Variants in ADARB2 observed in about 807,000 individuals in gnomAD.
ADARB2 encodes the protein inactive double-stranded RNA-specific editase B2.
Under a neutral mutation model 62.2 loss-of-function variants are expected in ADARB2, and 25 were observed. That is an observed-to-expected ratio of 0.40 (90% CI 0.29 to 0.56). The LOEUF (loss-of-function observed/expected upper bound fraction) is 0.56, where lower values mean the gene tolerates loss of function less well. Among genes scored for constraint, ADARB2 ranks in the 20% least tolerant of loss-of-function variants. The pLI is 0.43. For synonymous variants in ADARB2, 572 were observed against 500.8 expected (o/e 1.14, Z -1.90); for missense variants, 1,071 against 1,077.4 (o/e 0.99, Z 0.08).
chr10:1,222,772 T>C (rs2131760088), intron 6 of ADARB2, among the ~76,000 whole-genome samples: 1 of 149,776 alleles, frequency 6.7e-6, no homozygotes, highest in South Asian at 2.1e-4. Context: ...TCCATTGGTC[T>C]ATATCTCTGT....
At chr10:1,395,906 A>G (rs1202778584) in intron 1 of ADARB2, among the ~76,000 whole-genome samples, 1 of 152,000 alleles carries the variant, frequency 6.6e-6, no homozygotes, top group East Asian at 1.9e-4. Context: ...TTTATTTTCT[A>G]CTGAGCTTCT....
At chr10:1,373,328 C>CA (rs1564272666) in intron 2 of ADARB2, among the ~76,000 whole-genome samples, 34 of 151,470 alleles carry the variant, frequency 2.2e-4, no homozygotes, top group South Asian at 1.7e-3. Context: ...ACACACACAC[C>CA]CACCCACACA....
At chr10:1,195,505 A>G (rs1277535205) in intron 8 of ADARB2, among the ~76,000 whole-genome samples, 1 of 148,404 alleles carries the variant, frequency 6.7e-6, no homozygotes, top group African/African-American at 2.5e-5. Context: ...TGGGTGGGAG[A>G]GCACATCTAG....
Position 1,665,912 on chromosome 10 carries a change from C to A in ADARB2, c.100+71139G>T, listed in dbSNP as rs117915320. Among the ~76,000 whole-genome samples, 1,122 of 152,214 alleles carry A rather than the reference C, an allele frequency of 7.4e-3. 24 individuals are homozygous for A. Among genetic ancestry groups the A allele is most frequent in the Non-Finnish European group, 8.4e-3 (570 of 68,004 alleles). On this transcript the variant is annotated intron_variant, in intron 1 of 9. Transcript: ENST00000381312. ...AGTAAATGAGGGTGCGGCACGGGGGCGTCAGAGGACGGACAAGGATAGCAC... is the reference window on the plus strand; with the variant it reads ...AGTAAATGAGGGTGCGGCACGGGGGAGTCAGAGGACGGACAAGGATAGCAC...
At chr10:1,193,172 T>C (rs947211622) in intron 8 of ADARB2, among the ~76,000 whole-genome samples, 1 of 152,216 alleles carries the variant, frequency 6.6e-6, no homozygotes, top group African/African-American at 2.4e-5. Context: ...TGTCCGGGGA[T>C]GCCAAGGCCT....
chr10:1,200,051 G>T lies in ADARB2; in HGVS notation c.1779C>A (p.Gly593=). The part of the protein sequence containing the change: ...SIVVGSLHHT[G]HLARVMSHRM... Reference sequence around the variant, plus strand: ...GGTGGCTCATGACGCGTGCGAGGTGGCCCGTGTGGTGCAGGCTGCCCACCA... The same window carrying T: ...GGTGGCTCATGACGCGTGCGAGGTGTCCCGTGTGGTGCAGGCTGCCCACCA... The change falls in exon 8 of 10, where the codon GGC becomes GGA. Residue 593 remains glycine (G), a synonymous_variant. Transcript: ENST00000381312. The T allele has an allele frequency of 4.4e-6, 7 of 1,594,624 alleles. No individual in the cohort carries two copies. The highest frequency in any genetic ancestry group is 1.7e-4 in the Middle Eastern group (1 of 5,808).
chr10:1,263,961 G>A (rs566457376), intron 4 of ADARB2, among the ~76,000 whole-genome samples: 4 of 152,256 alleles, frequency 2.6e-5, no homozygotes, highest in South Asian at 4.2e-4. Flanking sequence ...GGTCAGCACC[G>A]GTTTAGTGAA....
At chr10:1,425,007 C>T (rs2805545) in intron 1 of ADARB2, among the ~76,000 whole-genome samples, 64,436 of 152,076 alleles carry the variant, frequency 0.42, 15,687 homozygotes, top group East Asian at 0.68. Context: ...AGCTAATCAC[C>T]GTAACAGAAG....
chr10:1,404,590 C>A (rs1250025417), intron 1 of ADARB2, among the ~76,000 whole-genome samples: 1 of 152,200 alleles, frequency 6.6e-6, no homozygotes, highest in Non-Finnish European at 1.5e-5. Flanking sequence ...AGAAAAGTGA[C>A]CACTTGTGTC....
At chr10:1,635,532 A>C (rs1171491992) in intron 1 of ADARB2, among the ~76,000 whole-genome samples, 1 of 152,074 alleles carries the variant, frequency 6.6e-6, no homozygotes, top group Non-Finnish European at 1.5e-5. Flanking sequence ...GTTGCGTTGA[A>C]ATCTCCGGAT....
chr10:1,217,116 T>C lies in ADARB2; in HGVS notation c.1517A>G (p.His506Arg), dbSNP rs1164386626. The C allele has an allele frequency of 6.3e-7, 1 of 1,591,950 alleles. No individual in the cohort carries two copies. Among genetic ancestry groups the C allele is most frequent in the Non-Finnish European group, 8.5e-7 (1 of 1,169,622 alleles). ...HSPYEITTDL[H>R]SSKHLVRKFR... ...CTTCCTGACGAGGTGTTTGCTGCTG[T>C]GCACTAGGAGATAAAAGGGCGGGGA... Residue 506 changes from histidine (H) to arginine (R), a missense_variant, in exon 7 of 10, where the codon CAC (histidine) becomes CGC (arginine). His to Arg is a conservative substitution (Grantham distance 29). Transcript: ENST00000381312.
chr10:1,621,851 T>C (rs1410911907), intron 1 of ADARB2, among the ~76,000 whole-genome samples: 1 of 152,192 alleles, frequency 6.6e-6, no homozygotes, highest in Non-Finnish European at 1.5e-5. Context: ...GGATTTTTTT[T>C]GTAGAGAATG....
chr10:1,721,217 G>A (rs1198914287), intron 1 of ADARB2, among the ~76,000 whole-genome samples: 2 of 152,324 alleles, frequency 1.3e-5, no homozygotes, highest in African/African-American at 4.8e-5. Context: ...TCAAAATTAT[G>A]TAAATAATTC....
intron 1 of ADARB2, among the ~76,000 whole-genome samples, chr10:1,611,587 T>C (rs999883150): frequency 6.6e-6 from 1 of 152,182 alleles, no homozygotes; most frequent in African/African-American, 2.4e-5. Context: ...CATCTTGGCC[T>C]CTTCCTCCCT....
intron 1 of ADARB2, among the ~76,000 whole-genome samples, chr10:1,405,563 G>C (rs1199561946): frequency 6.9e-6 from 1 of 144,420 alleles, no homozygotes; most frequent in African/African-American, 2.6e-5. Flanking sequence ...CTGGGAGGCA[G>C]AGAGGTTGCA....
intron 1 of ADARB2, among the ~76,000 whole-genome samples, chr10:1,473,702 G>A (rs1200282422): frequency 6.6e-6 from 1 of 152,172 alleles, no homozygotes; most frequent in Non-Finnish European, 1.5e-5. Context: ...ATTTTAAAGA[G>A]TCACTCTGTC....
chr10:1,666,726 C>T (rs756644844), intron 1 of ADARB2, among the ~76,000 whole-genome samples: 1 of 152,174 alleles, frequency 6.6e-6, no homozygotes, highest in Non-Finnish European at 1.5e-5. Flanking sequence ...AATGCGGGAA[C>T]CCACACGCAG....
intron 3 of ADARB2, among the ~76,000 whole-genome samples, chr10:1,331,348 C>T (rs545682658): frequency 6.6e-6 from 1 of 152,298 alleles, no homozygotes; most frequent in East Asian, 1.9e-4. Flanking sequence ...GTAGAAATGA[C>T]CCAAATGTTG....
intron 1 of ADARB2, among the ~76,000 whole-genome samples, chr10:1,383,706 G>T (rs987061881): frequency 6.6e-6 from 1 of 152,222 alleles, no homozygotes; most frequent in Non-Finnish European, 1.5e-5. Flanking sequence ...TAGCTTTCTT[G>T]ATGTATTTAT....
Sources: allele counts gnomAD v4.1 joint callset (sites outside exome capture counted in the v4.1 genomes callset), GRCh38; gene constraint gnomAD v4.1.1; transcripts MANE v1.5; gene names NCBI Gene and HGNC (gene_info 2026-07-23, HGNC 2026-07-21).